The following NT5DC1 variants were observed in gnomAD, a reference collection of about 807,000 sequenced individuals.
NT5DC1 encodes the protein 5'-nucleotidase domain-containing protein 1.
NT5DC1 carries 42 observed loss-of-function variants against 59.4 expected under a neutral mutation model. The observed-to-expected ratio is 0.71, with a 90% confidence interval of 0.55 to 0.92. The LOEUF is 0.92. Ranked by LOEUF, NT5DC1 falls within the 40% of genes least tolerant of loss-of-function variation. The probability of loss-of-function intolerance (pLI) is 0.00; values close to 1 mark genes in which losing one functional copy is unlikely to be tolerated. For missense variants in NT5DC1, 501 were observed against 537.1 expected, an observed-to-expected ratio of 0.93 and a Z score of 0.66; for synonymous variants, 172 against 188.1, an observed-to-expected ratio of 0.91 and a Z score of 0.70.
At chr6:116,120,753 C>T in intron 6 of NT5DC1, 2 of 1,606,910 alleles carry the variant, frequency 1.2e-6, no homozygotes, top group Non-Finnish European at 1.7e-6. Context: ...CCTGGTGGCC[C>T]AATAGGGCCT....
At chr6:116,103,513 G>GGA (rs1778704776) in intron 1 of NT5DC1, among the ~76,000 whole-genome samples, 1 of 152,026 alleles carries the variant, frequency 6.6e-6, no homozygotes, top group South Asian at 2.1e-4. Context: ...GTGAGGAGGT[G>GGA]GAGAGGAGTG....
rs9400892 is a variant in NT5DC1, at chr6:116,187,423, G to A, written c.530-33631G>A. Among the ~76,000 whole-genome samples, 5 of 152,222 alleles carry A rather than the reference G, an allele frequency of 3.3e-5. No individual in the cohort carries two copies. In the East Asian group the frequency reaches 9.7e-4, roughly 29 times the overall value. On this transcript the variant is annotated intron_variant, in intron 6 of 11. Coordinates refer to ENST00000319550, the MANE Select transcript of NT5DC1 (RefSeq NM_152729.3). ...AGAGCCAAGACACTCATGAAGAACA[G>A]GGCAAGAGGGTCTGTCCTACAAGAC...
At chr6:116,159,288 CAGAGAAA>C (rs1311992304) in intron 6 of NT5DC1, among the ~76,000 whole-genome samples, 1 of 151,974 alleles carries the variant, frequency 6.6e-6, no homozygotes, top group African/African-American at 2.4e-5. Flanking sequence ...TATCAAAAAC[CAGAGAAA>C]CATAACTTTC....
At chr6:116,167,206 ATTTTT>A (rs61348980) in intron 6 of NT5DC1, among the ~76,000 whole-genome samples, 6 of 87,814 alleles carry the variant, frequency 6.8e-5, no homozygotes, top group African/African-American at 2.0e-4. Flanking sequence ...CAAATAGAAG[ATTTTT>A]TTTTTTTTTT....
chr6:116,134,136 A>G (rs1312104489), intron 6 of NT5DC1, among the ~76,000 whole-genome samples: 1 of 152,222 alleles, frequency 6.6e-6, no homozygotes, highest in Non-Finnish European at 1.5e-5. Context: ...GGAATGCTCC[A>G]CAATTGTGAT....
intron 6 of NT5DC1, among the ~76,000 whole-genome samples, chr6:116,203,835 A>T (rs1276552206): frequency 1.3e-5 from 2 of 151,988 alleles, no homozygotes; most frequent in African/African-American, 2.4e-5. Context: ...TGAGTTCCAG[A>T]TACCTTATAT....
At chr6:116,189,945 A>G (rs1781079303) in intron 6 of NT5DC1, among the ~76,000 whole-genome samples, 2 of 152,078 alleles carry the variant, frequency 1.3e-5, no homozygotes, top group African/African-American at 4.8e-5. Flanking sequence ...ATAAAGAAGT[A>G]AATGTTTGTT....
intron 6 of NT5DC1, among the ~76,000 whole-genome samples, chr6:116,179,251 C>T (rs1020268832): frequency 6.6e-6 from 1 of 151,890 alleles, no homozygotes; most frequent in Non-Finnish European, 1.5e-5. Context: ...TGAAAATACT[C>T]CTTATCTTAT....
rs886042553 is a variant in NT5DC1 at position 116,120,724 on chromosome 6, C to T, written c.529+2779C>T. On this transcript the variant is annotated intron_variant, in intron 6 of 11. Transcript: ENST00000319550. ...CGGGACTTCCTGGATCCCCTTTAGA[C>T]CCAGGGAATCCTGGAATGCCTGGTG... is the stretch of plus-strand genomic sequence containing the variant. The T allele has an allele frequency of 1.9e-6, 3 of 1,584,972 alleles. No homozygotes were observed. The Admixed American group carries it at 5.5e-5, about 29-fold the overall frequency.
At chr6:116,220,323 A>C (rs1021106342) in intron 6 of NT5DC1, among the ~76,000 whole-genome samples, 1 of 152,066 alleles carries the variant, frequency 6.6e-6, no homozygotes, top group Non-Finnish European at 1.5e-5. Context: ...TGGGTCAAGC[A>C]CTATGGGTAA....
intron 6 of NT5DC1, among the ~76,000 whole-genome samples, chr6:116,141,926 A>ACACT (rs1209383390): frequency 2.0e-5 from 3 of 148,808 alleles, no homozygotes; most frequent in African/African-American, 7.5e-5. Context: ...ACACACACAC[A>ACACT]CTGTAAATGT....
chr6:116,134,744 G>A (rs1340739229), intron 6 of NT5DC1, among the ~76,000 whole-genome samples: 7 of 152,136 alleles, frequency 4.6e-5, no homozygotes, highest in Non-Finnish European at 8.8e-5. Context: ...AAATAACCGT[G>A]GTTGCTGTTC....
chr6:116,152,704 A>G (rs1176069636), intron 6 of NT5DC1, among the ~76,000 whole-genome samples: 4 of 152,000 alleles, frequency 2.6e-5, no homozygotes, highest in Admixed American at 2.0e-4. Context: ...TTTTTCCTCC[A>G]TCTTTTTACA....
intron 3 of NT5DC1, among the ~76,000 whole-genome samples, chr6:116,109,770 T>C (rs536432783): frequency 2.8e-4 from 42 of 152,340 alleles, no homozygotes; most frequent in Non-Finnish European, 5.0e-4. Flanking sequence ...GCTTTTCTTA[T>C]TTTATTTCTT....
chr6:116,112,338 A>G (rs1415078386), intron 4 of NT5DC1, among the ~76,000 whole-genome samples: 2 of 152,200 alleles, frequency 1.3e-5, no homozygotes, highest in African/African-American at 2.4e-5. Context: ...TTTTAAATGT[A>G]GAGAAGTATG....
chr6:116,237,204 C>T (rs1782132243), intron 9 of NT5DC1, 120 bp downstream of exon 9: 1 of 673,400 alleles, frequency 1.5e-6, no homozygotes, highest in East Asian at 2.6e-5. Flanking sequence ...TCAATGTAGA[C>T]AGGCTGTCTA....
At chr6:116,180,836 T>C (rs1158669787) in intron 6 of NT5DC1, among the ~76,000 whole-genome samples, 1 of 152,066 alleles carries the variant, frequency 6.6e-6, no homozygotes, top group Admixed American at 6.6e-5. Flanking sequence ...ATTTAAGTGA[T>C]GTATCAACCA....
At chr6:116,230,379 A>G (rs896247460) in intron 8 of NT5DC1, among the ~76,000 whole-genome samples, 1 of 152,186 alleles carries the variant, frequency 6.6e-6, no homozygotes, top group African/African-American at 2.4e-5. Flanking sequence ...TATCTCCATA[A>G]AAGTACCCTT....
At chr6:116,219,078 C>A (rs1781742513) in intron 6 of NT5DC1, among the ~76,000 whole-genome samples, 2 of 151,940 alleles carry the variant, frequency 1.3e-5, no homozygotes, top group African/African-American at 2.4e-5. Context: ...ATCACTTGAG[C>A]CCAGGAGTTT....
Sources: allele counts gnomAD v4.1 joint callset (sites outside exome capture counted in the v4.1 genomes callset), GRCh38; gene constraint gnomAD v4.1.1; transcripts MANE v1.5; gene names NCBI Gene and HGNC (gene_info 2026-07-23, HGNC 2026-07-21).